The following UBN2 variants were observed in gnomAD, a reference collection of about 807,000 sequenced individuals.
The protein encoded by UBN2 is ubinuclein-2.
A neutral mutation model predicts 120.2 loss-of-function variants in UBN2; 35 were observed. The ratio of observed to expected loss-of-function variants is 0.29; its 90% CI spans 0.22 to 0.39. The LOEUF is 0.39. UBN2 is among the 10% of genes least tolerant of loss of function. The pLI is 1.00. For synonymous variants in UBN2, 661 were observed against 648.7 expected (o/e 1.02, Z -0.29); for missense variants, 1,693 against 1,663.2 (o/e 1.02, Z -0.31).
chr7:139,282,986 A>G (rs1362879909), intron 14 of UBN2, 38 bp from the exon 15 acceptor site: 3 of 1,415,934 alleles, frequency 2.1e-6, no homozygotes, highest in Admixed American at 2.7e-5. Flanking sequence ...TTTTTTATTC[A>G]CCATTTCTAT....
chr7:139,268,164 AC>A (rs1401576884), intron 7 of UBN2, among the ~76,000 whole-genome samples: 1 of 152,158 alleles, frequency 6.6e-6, no homozygotes, highest in Non-Finnish European at 1.5e-5. Flanking sequence ...CATTCCATTA[AC>A]AGGCTTTCCT....
At chr7:139,232,015 A>G (rs1357028697) in intron 1 of UBN2, 63 bp downstream of exon 1, 2 of 1,522,364 alleles carry the variant, frequency 1.3e-6, no homozygotes, top group Non-Finnish European at 1.8e-6. Flanking sequence ...CGCCTTCCCC[A>G]GCTGGTTTGC....
At chr7:139,324,692 C>G in the UBN2 span, among the ~76,000 whole-genome samples, 1 of 149,338 alleles carries the variant, frequency 6.7e-6, no homozygotes, top group Non-Finnish European at 1.5e-5. Context: ...AGAATATGGC[C>G]GGGCGCGGTG....
chr7:139,297,347 GA>G (rs2131075077), intron 17 of UBN2, among the ~76,000 whole-genome samples: 1 of 151,374 alleles, frequency 6.6e-6, no homozygotes, highest in South Asian at 2.1e-4. Flanking sequence ...CAGGAATTAT[GA>G]AATGCTGTGT....
chr7:139,291,382 A>T (rs1585029790), intron 15 of UBN2, among the ~76,000 whole-genome samples: 1 of 150,248 alleles, frequency 6.7e-6, no homozygotes. Flanking sequence ...AAAAAAAAAA[A>T]CATGGAAAAC....
At chr7:139,323,030 T>A in the UBN2 span, among the ~76,000 whole-genome samples, 1 of 152,200 alleles carries the variant, frequency 6.6e-6, no homozygotes, top group East Asian at 1.9e-4. Context: ...TTTCATGATA[T>A]ACTGAGTATT....
chr7:139,316,702 G>A, the UBN2 span, among the ~76,000 whole-genome samples: 3 of 151,886 alleles, frequency 2.0e-5, no homozygotes, highest in South Asian at 2.1e-4. Flanking sequence ...AGAGAATCAC[G>A]CCACTGCACT....
At chr7:139,267,228 T>C (rs1797124763) in intron 7 of UBN2, among the ~76,000 whole-genome samples, 1 of 152,208 alleles carries the variant, frequency 6.6e-6, no homozygotes, top group South Asian at 2.1e-4. Context: ...AGTAGCATCA[T>C]GTATTATAGA....
At position 139,301,823 on chromosome 7, in the gene UBN2, G is replaced by A. The variant is rs944465804; in HGVS notation, c.*3987G>A. The A allele has an allele frequency of 6.6e-6, 1 of 152,012 alleles. No homozygotes were observed. The highest frequency in any genetic ancestry group is 2.4e-5 in the African/African-American group (1 of 41,376). 9.4% of individuals were successfully genotyped at this position (152,012 alleles called of 1,614,324 possible). ...AGCACTGTAATTCTGCTGACCTAAT[G>A]TTCTCAAAAGAGGCACTTTTACTTT... is the stretch of plus-strand genomic sequence containing the variant. On this transcript the variant is annotated 3_prime_UTR_variant, in exon 18 of 18. Coordinates refer to ENST00000473989, the MANE Select transcript of UBN2 (RefSeq NM_173569.4).
At chr7:139,242,439 A>G (rs1013235006) in intron 2 of UBN2, among the ~76,000 whole-genome samples, 1 of 152,226 alleles carries the variant, frequency 6.6e-6, no homozygotes, top group Non-Finnish European at 1.5e-5. Context: ...TGACACCACC[A>G]CAAAGTAAAT....
At chr7:139,320,959 C>T in the UBN2 span, among the ~76,000 whole-genome samples, 1 of 151,944 alleles carries the variant, frequency 6.6e-6, no homozygotes, top group South Asian at 2.1e-4. Flanking sequence ...TTAGCTATAC[C>T]TTCACACAGC....
intron 2 of UBN2, among the ~76,000 whole-genome samples, chr7:139,245,916 A>G (rs897533589): frequency 6.6e-6 from 1 of 152,134 alleles, no homozygotes; most frequent in African/African-American, 2.4e-5. Context: ...AAAAAGTTGG[A>G]AAGGTGGTTT....
chr7:139,232,340 A>G lies in UBN2; in HGVS notation c.468+388A>G, dbSNP rs1440770353. On this transcript the variant is annotated intron_variant, in intron 1 of 17. Coordinates refer to ENST00000473989, the MANE Select transcript of UBN2 (RefSeq NM_173569.4). ...GCGCTACAGCTGTCGTTCCAGTAGA[A>G]AGGAAGAGAAAACCTTGGGGGACAC... 2.0e-5 allele frequency among the ~76,000 whole-genome samples: 3 copies of G among 152,210 alleles called. No individual in the cohort carries two copies. The East Asian group carries it at 5.8e-4, about 29-fold the overall frequency.
intron 15 of UBN2, among the ~76,000 whole-genome samples, chr7:139,285,734 T>TTA (rs968551470): frequency 6.6e-6 from 1 of 151,712 alleles, no homozygotes; most frequent in Non-Finnish European, 1.5e-5. Flanking sequence ...GAACTCTTTA[T>TTA]TATATATATA....
At chr7:139,321,824 C>T in the UBN2 span, among the ~76,000 whole-genome samples, 1 of 152,168 alleles carries the variant, frequency 6.6e-6, no homozygotes. Context: ...AGGCCAGGGA[C>T]AGCAGCCAGC....
intron 6 of UBN2, among the ~76,000 whole-genome samples, chr7:139,262,309 A>G (rs1372549633): frequency 6.6e-6 from 1 of 151,884 alleles, no homozygotes; most frequent in Non-Finnish European, 1.5e-5. Context: ...TATGTTGGCC[A>G]GGCTGGTCTT....
At position 139,284,146 on chromosome 7, in the gene UBN2, C is replaced by G; in HGVS notation, c.3241C>G (p.Pro1081Ala). 6.2e-7 allele frequency: 1 copy of G among 1,614,150 alleles called. No individual in the cohort carries two copies. Among genetic ancestry groups the G allele is most frequent in the Non-Finnish European group, 8.5e-7 (1 of 1,180,032 alleles). ...VSTKLISKSNPTPKPTVSPSS... is the reference protein window; with the variant it reads ...VSTKLISKSNATPKPTVSPSS... ...AACTAAACTTATTTCTAAATCCAAC[C>G]CAACTCCCAAGCCTACTGTATCCCC... The change falls in exon 15 of 18, where the codon CCA becomes GCA. Residue 1081 changes from proline to alanine, a missense_variant. Pro to Ala is a conservative substitution (Grantham distance 27). Coordinates refer to ENST00000473989, the MANE Select transcript of UBN2 (RefSeq NM_173569.4).
At chr7:139,319,851 C>T in the UBN2 span, among the ~76,000 whole-genome samples, 17 of 151,938 alleles carry the variant, frequency 1.1e-4, no homozygotes, top group Admixed American at 7.9e-4. Flanking sequence ...CCGAGGTGGG[C>T]GTATCACAAG....
chr7:139,233,492 C>T (rs1417410361), intron 1 of UBN2, among the ~76,000 whole-genome samples: 1 of 152,144 alleles, frequency 6.6e-6, no homozygotes, highest in Non-Finnish European at 1.5e-5. Flanking sequence ...GTGTGCTAGA[C>T]ACAGTTCTAA....
Sources: gnomAD v4.1 joint callset for allele counts (sites outside exome capture counted in the v4.1 genomes callset) on GRCh38, gnomAD v4.1.1 for gene constraint, MANE v1.5 for transcripts, NCBI Gene and HGNC (gene_info 2026-07-23, HGNC 2026-07-21) for gene names.